RELN: variants seen among roughly 807,000 people sequenced by gnomAD.
RELN encodes the protein reelin.
Under a neutral mutation model 427.6 loss-of-function variants are expected in RELN, and 108 were observed. That is an observed-to-expected ratio of 0.25 (90% CI 0.22 to 0.30). The LOEUF (loss-of-function observed/expected upper bound fraction) is 0.30. Among genes scored for constraint, RELN ranks in the 10% least tolerant of loss-of-function variants. RELN has a pLI of 1.00. For missense variants in RELN, 3,715 were observed against 4,302.8 expected (o/e 0.86, Z 3.82); for synonymous variants, 1,524 against 1,513.4 (o/e 1.01, Z -0.16).
At chr7:103,926,298 G>A (rs538361780) in intron 1 of RELN, among the ~76,000 whole-genome samples, 51 of 152,000 alleles carry the variant, frequency 3.4e-4, no homozygotes, top group African/African-American at 1.2e-3. Flanking sequence ...GTTTCACCAT[G>A]TTGGCCAGGA....
At position 103,593,675 on chromosome 7, in the gene RELN, TA is replaced by T. The variant is rs746230344; in HGVS notation, c.3912+6del. 1.2e-6 allele frequency: 2 copies of T among 1,610,638 alleles called. No homozygotes were observed. The highest frequency in any genetic ancestry group is 1.7e-6 in the Non-Finnish European group (2 of 1,176,976). On this transcript the variant is annotated splice_donor_region_variant and intron_variant, in intron 27 of 64. Transcript: ENST00000428762. ...CTTGCTCTGGGAAGAAGCTTGTGCA[TA>T]AATACCTTGAACTGTAGCACATATC...
chr7:103,898,505 TTA>T (rs1448632674), intron 2 of RELN, among the ~76,000 whole-genome samples: 1 of 151,992 alleles, frequency 6.6e-6, no homozygotes, highest in African/African-American at 2.4e-5. Flanking sequence ...ATGGCTCTGT[TTA>T]TATAGTGTCA....
chr7:103,761,634 G>GT (rs1324145452), intron 4 of RELN, among the ~76,000 whole-genome samples: 1 of 151,412 alleles, frequency 6.6e-6, no homozygotes, highest in African/African-American at 2.4e-5. Flanking sequence ...TTTTTGGGGG[G>GT]GGGTAGAGAC....
chr7:103,810,597 T>TG (rs1792716630), intron 3 of RELN, among the ~76,000 whole-genome samples: 1 of 152,124 alleles, frequency 6.6e-6, no homozygotes, highest in Non-Finnish European at 1.5e-5. Context: ...AACCTGGCAA[T>TG]CTCGCTATTA....
At chr7:103,545,065 T>C in intron 42 of RELN, 59 bp downstream of exon 42, 1 of 1,284,114 alleles carries the variant, frequency 7.8e-7, no homozygotes, top group Non-Finnish European at 1.1e-6. Flanking sequence ...CTACCAAAAA[T>C]TGTGTTTAAC....
chr7:103,565,279 T>C lies in RELN; in HGVS notation c.5209A>G (p.Ile1737Val). 1 of 1,614,114 alleles carries C rather than the reference T, an allele frequency of 6.2e-7. No homozygotes were observed. The highest frequency in any genetic ancestry group is 8.5e-7 in the Non-Finnish European group (1 of 1,179,982). The change falls in exon 34 of 65, where the codon ATT (isoleucine) becomes GTT (valine). Residue 1737 changes from isoleucine (I) to valine (V), a missense_variant and splice_region_variant. Physicochemically the swap from Ile to Val is conservative, Grantham distance 29. Around this residue, in one of 4 missense-constraint regions of RELN, gnomAD observed 2,208 missense variants for 2,361.7 expected, o/e 0.93. Transcript: ENST00000428762. Reference sequence around the variant, plus strand: ...ATGTAGCCAAATGACAATTCTCACATGGTGGAGAGTGGAAGGTAGACAGTG... The same window carrying C: ...ATGTAGCCAAATGACAATTCTCACACGGTGGAGAGTGGAAGGTAGACAGTG... Reference protein sequence around the residue: ...RITVYLPLSTISPRTRFRWIQ... With the variant: ...RITVYLPLSTVSPRTRFRWIQ...
At chr7:103,667,653 C>G (rs1345038308) in intron 11 of RELN, among the ~76,000 whole-genome samples, 1 of 152,084 alleles carries the variant, frequency 6.6e-6, no homozygotes, top group Non-Finnish European at 1.5e-5. Context: ...AGTAGTTTTA[C>G]TAAATTTCAT....
intron 2 of RELN, among the ~76,000 whole-genome samples, chr7:103,851,717 C>T (rs1000120045): frequency 3.3e-5 from 5 of 152,296 alleles, no homozygotes; most frequent in Admixed American, 6.5e-5. Context: ...TATTGCCCAA[C>T]GCCCATTCTT....
chr7:103,612,021 A>T (rs1831971623), intron 20 of RELN, among the ~76,000 whole-genome samples: 1 of 152,214 alleles, frequency 6.6e-6, no homozygotes, highest in Admixed American at 6.5e-5. Flanking sequence ...ACAGTTGTCA[A>T]ATGTACCTAA....
chr7:103,646,310 C>G (rs1315615172), intron 16 of RELN, among the ~76,000 whole-genome samples: 1 of 151,454 alleles, frequency 6.6e-6, no homozygotes, highest in Non-Finnish European at 1.5e-5. Context: ...AAAAAAAATT[C>G]AAAGAATCAA....
chr7:103,968,019 TA>T lies in RELN; in HGVS notation c.226+21111del, dbSNP rs1190802662. Among the ~76,000 whole-genome samples, 1 of 148,822 alleles carries T rather than the reference TA, an allele frequency of 6.7e-6. No homozygotes were observed. ...AAACTGTATAGTTTATATATAAATA[TA>T]AAATATATTTTGTATATATATTTAT... On this transcript the variant is annotated intron_variant, in intron 1 of 64. Coordinates refer to ENST00000428762, the MANE Select transcript of RELN (RefSeq NM_005045.4). The surrounding 1 kb of genome is among the most constrained non-coding windows in gnomAD (Gnocchi z 4.3).
intron 2 of RELN, among the ~76,000 whole-genome samples, chr7:103,852,615 A>G (rs1319490645): frequency 1.3e-5 from 2 of 152,112 alleles, no homozygotes; most frequent in Non-Finnish European, 2.9e-5. Flanking sequence ...ATGACTGACA[A>G]AATCAATGAC....
At position 103,507,836 on chromosome 7, in the gene RELN, A is replaced by C. The variant is rs369558196; in HGVS notation, c.8274+3015T>G. On this transcript the variant is annotated intron_variant, in intron 51 of 64. Coordinates refer to ENST00000428762, the MANE Select transcript of RELN (RefSeq NM_005045.4). Reference sequence around the variant, plus strand: ...AGAAGGATCAAATAGACACAATAAAAAATGATAAAGGGGATATCACCACTG... The same window carrying C: ...AGAAGGATCAAATAGACACAATAAACAATGATAAAGGGGATATCACCACTG... 5.9e-5 allele frequency among the ~76,000 whole-genome samples: 9 copies of C among 152,332 alleles called. No homozygotes were observed. In the East Asian group the frequency reaches 1.5e-3, roughly 26 times the overall value.
chr7:103,724,206 A>G (rs1790147333), intron 7 of RELN, among the ~76,000 whole-genome samples: 2 of 151,856 alleles, frequency 1.3e-5, no homozygotes, highest in African/African-American at 4.8e-5. Context: ...TTTTTGAGAC[A>G]GACTCTCTCT....
intron 20 of RELN, among the ~76,000 whole-genome samples, chr7:103,615,800 T>G (rs1832066525): frequency 1.3e-5 from 2 of 152,202 alleles, no homozygotes; most frequent in East Asian, 3.9e-4. Flanking sequence ...AACTGGGGAG[T>G]AGGGAAGTTT....
chr7:103,963,817 T>A (rs181260653), intron 1 of RELN, among the ~76,000 whole-genome samples: 1 of 152,172 alleles, frequency 6.6e-6, no homozygotes, highest in Admixed American at 6.6e-5. Flanking sequence ...TGATTTGCCA[T>A]GCAGAGTTAC....
At chr7:103,940,433 T>C (rs947945968) in intron 1 of RELN, among the ~76,000 whole-genome samples, 4 of 152,218 alleles carry the variant, frequency 2.6e-5, no homozygotes, top group Non-Finnish European at 4.4e-5. Context: ...AAAACTACCA[T>C]ACAATGGGCA....
chr7:103,925,030 ACACACACACG>A (rs2116692791), intron 1 of RELN, among the ~76,000 whole-genome samples: 3 of 120,996 alleles, frequency 2.5e-5, no homozygotes, highest in East Asian at 5.1e-4. Flanking sequence ...ACACACACAC[ACACACACACG>A]CTCACTCAGA....
intron 4 of RELN, among the ~76,000 whole-genome samples, chr7:103,754,350 T>C (rs1791079334): frequency 6.6e-6 from 1 of 152,070 alleles, no homozygotes; most frequent in Non-Finnish European, 1.5e-5. Flanking sequence ...GGGGCTTACA[T>C]TATACTTCTA....
Sources: gnomAD v4.1 joint callset for allele counts (sites outside exome capture counted in the v4.1 genomes callset) on GRCh38, gnomAD v4.1.1 for gene constraint, gnomAD v4.1.1 regional missense constraint, Gnocchi (gnomAD v3.1) non-coding constraint, MANE v1.5 for transcripts, NCBI Gene and HGNC (gene_info 2026-07-23, HGNC 2026-07-21) for gene names.